The following SCFD2 variants were observed in gnomAD, a reference collection of about 807,000 sequenced individuals.
SCFD2 encodes sec1 family domain containing 2.
SCFD2 carries 54 observed loss-of-function variants against 58.9 expected under a neutral mutation model. The observed-to-expected ratio is 0.92, with a 90% CI of 0.74 to 1.15. The LOEUF is 1.15. Ranked by LOEUF, SCFD2 falls within the 50% of genes most tolerant of loss-of-function variation. The pLI, the probability that SCFD2 is intolerant of heterozygous loss-of-function variation, is 0.00. For synonymous variants in SCFD2, 321 were observed against 335.9 expected (o/e 0.96, Z 0.49); for missense variants, 805 against 836.6 (o/e 0.96, Z 0.47).
At chr4:53,114,336 T>A (rs572167097) in intron 5 of SCFD2, among the ~76,000 whole-genome samples, 1 of 152,146 alleles carries the variant, frequency 6.6e-6, no homozygotes, top group Non-Finnish European at 1.5e-5. Context: ...TGGAGGTTCC[T>A]GGTAAGTTGA....
intron 5 of SCFD2, among the ~76,000 whole-genome samples, chr4:53,102,357 G>T (rs1288861661): frequency 6.6e-6 from 1 of 151,980 alleles, no homozygotes. Flanking sequence ...GGTAGAAAAG[G>T]CCTTCTGTGA....
chr4:53,095,343 TC>T (rs1490093314), intron 5 of SCFD2, among the ~76,000 whole-genome samples: 2 of 152,116 alleles, frequency 1.3e-5, no homozygotes, highest in Admixed American at 1.3e-4. Context: ...AGTCAAGTAA[TC>T]TTTGACATCG....
intron 8 of SCFD2, among the ~76,000 whole-genome samples, chr4:52,885,315 G>A (rs1039045549): frequency 5.9e-5 from 9 of 152,014 alleles, no homozygotes; most frequent in Non-Finnish European, 8.8e-5. Flanking sequence ...GAGAATATAG[G>A]CCCCTAAGGA....
intron 2 of SCFD2, among the ~76,000 whole-genome samples, chr4:53,335,176 C>A (rs1419763932): frequency 9.5e-6 from 1 of 105,620 alleles, no homozygotes; most frequent in Admixed American, 1.6e-4. Context: ...AGCCTGGCGA[C>A]AGAATGAGAC....
Position 53,225,963 on chromosome 4 carries a change from A to T in SCFD2, c.1311+47863T>A, listed in dbSNP as rs185847063. On this transcript the variant is annotated intron_variant, in intron 4 of 8. Coordinates refer to ENST00000401642, the MANE Select transcript of SCFD2 (RefSeq NM_152540.4). ...TTACTTGTTATTTGGGGTATTTTTA[A>T]TTTTTTTAAATTTAACAGTATAGAA... Among the ~76,000 whole-genome samples the T allele has an allele frequency of 2.5e-3, 375 of 152,046 alleles. 1 individual carries two copies. The highest frequency in any genetic ancestry group is 3.3e-3 in the Non-Finnish European group (224 of 67,976).
chr4:53,316,023 T>G (rs1732851378), intron 2 of SCFD2, among the ~76,000 whole-genome samples: 1 of 152,092 alleles, frequency 6.6e-6, no homozygotes, highest in African/African-American at 2.4e-5. Flanking sequence ...AGAGGAACAC[T>G]CTTTCTACAA....
At chr4:52,879,988 T>C (rs145763053) in intron 8 of SCFD2, among the ~76,000 whole-genome samples, 394 of 152,350 alleles carry the variant, frequency 2.6e-3, no homozygotes, top group Non-Finnish European at 4.0e-3. Context: ...ATTGTATTCA[T>C]GCTGTATAGG....
chr4:53,246,060 C>T (rs73147385), intron 4 of SCFD2, among the ~76,000 whole-genome samples: 2,607 of 152,078 alleles, frequency 0.017, 35 homozygotes, highest in African/African-American at 0.036. Context: ...AATAGCCAAG[C>T]GGAGAGCCAA....
chr4:53,315,465 A>C (rs1732833604), intron 2 of SCFD2, among the ~76,000 whole-genome samples: 1 of 152,086 alleles, frequency 6.6e-6, no homozygotes, highest in Non-Finnish European at 1.5e-5. Flanking sequence ...AAGTCATGTC[A>C]ACTTTGATAT....
At chr4:53,364,202 T>C (rs1361842619) in intron 1 of SCFD2, among the ~76,000 whole-genome samples, 9 of 152,212 alleles carry the variant, frequency 5.9e-5, no homozygotes, top group Admixed American at 1.3e-4. Flanking sequence ...TTCCATTTTT[T>C]ATCTGAAAAT....
At chr4:52,991,760 G>C (rs1166293403) in intron 5 of SCFD2, among the ~76,000 whole-genome samples, 1 of 152,134 alleles carries the variant, frequency 6.6e-6, no homozygotes, top group Non-Finnish European at 1.5e-5. Flanking sequence ...TGTAGCTGTA[G>C]CTGTAGCTGT....
intron 4 of SCFD2, among the ~76,000 whole-genome samples, chr4:53,220,677 T>C (rs573179953): frequency 4.6e-5 from 7 of 152,216 alleles, no homozygotes; most frequent in Admixed American, 3.9e-4. Flanking sequence ...AATAACATCT[T>C]AATATCTGTA....
intron 3 of SCFD2, among the ~76,000 whole-genome samples, 175 bp from the exon 4 acceptor site, chr4:53,274,176 C>G (rs1163587711): frequency 6.6e-6 from 1 of 152,088 alleles, no homozygotes; most frequent in East Asian, 1.9e-4. Flanking sequence ...CAAAACTGGT[C>G]CTATTATTAA....
At chr4:53,038,848 C>T (rs540414409) in intron 5 of SCFD2, among the ~76,000 whole-genome samples, 16 of 152,044 alleles carry the variant, frequency 1.1e-4, no homozygotes, top group African/African-American at 3.1e-4. Flanking sequence ...ACCACAATGC[C>T]CAGCTAATTA....
chr4:53,292,761 T>C (rs1731884399), intron 3 of SCFD2, among the ~76,000 whole-genome samples: 1 of 152,186 alleles, frequency 6.6e-6, no homozygotes, highest in South Asian at 2.1e-4. Context: ...TGTATGTTCA[T>C]TGCAGCACTA....
intron 5 of SCFD2, among the ~76,000 whole-genome samples, chr4:53,087,114 A>G (rs924048458): frequency 2.6e-5 from 4 of 152,152 alleles, no homozygotes; most frequent in African/African-American, 9.7e-5. Flanking sequence ...TTGCATGTAT[A>G]AAAGTATCTC....
intron 3 of SCFD2, among the ~76,000 whole-genome samples, chr4:53,303,567 T>G (rs146361032): frequency 0.25 from 38,317 of 151,918 alleles, 5,282 homozygotes; most frequent in Non-Finnish European, 0.32. Flanking sequence ...ATCTAGAACT[T>G]GAAATACCAT....
At chr4:53,026,642 C>T (rs1722480527) in intron 5 of SCFD2, among the ~76,000 whole-genome samples, 2 of 152,188 alleles carry the variant, frequency 1.3e-5, no homozygotes, top group Admixed American at 1.3e-4. Flanking sequence ...TCCATACTGG[C>T]TTATCATCAT....
chr4:53,138,879 T>G (rs1460664709), intron 5 of SCFD2, among the ~76,000 whole-genome samples: 2 of 88,620 alleles, frequency 2.3e-5, no homozygotes, highest in African/African-American at 4.3e-5. Flanking sequence ...CCCCTCCCTC[T>G]CGTCTCCGTC....
Sources: gnomAD v4.1 joint callset for allele counts (sites outside exome capture counted in the v4.1 genomes callset) on GRCh38, gnomAD v4.1.1 for gene constraint, MANE v1.5 for transcripts, NCBI Gene and HGNC (gene_info 2026-07-23, HGNC 2026-07-21) for gene names.